The following SLC67A1 variants were observed in gnomAD, a reference collection of about 807,000 sequenced individuals.
SLC67A1 encodes the protein solute carrier family 67 member A1.
the SLC67A1 span, chr11:2,922,574 G>A: frequency 1.2e-6 from 2 of 1,608,028 alleles, no homozygotes; most frequent in South Asian, 1.1e-5. Flanking sequence ...TGGCCAGCGA[G>A]TGGAGCAGCC....
chr11:2,908,151 C>A, the SLC67A1 span: 1 of 922,020 alleles, frequency 1.1e-6, no homozygotes, highest in East Asian at 2.5e-5. Context: ...TCCCCTCCCA[C>A]CCCCTGCCCA....
the SLC67A1 span, chr11:2,909,609 A>G: frequency 7.9e-3 from 12,166 of 1,531,034 alleles, 418 homozygotes; most frequent in African/African-American, 0.097. Flanking sequence ...ACCTGTCGGC[A>G]CCCGAGGAGC....
chr11:2,916,916 G>A, the SLC67A1 span: 1 of 609,192 alleles, frequency 1.6e-6, no homozygotes. Context: ...GCCAAGTGAG[G>A]TGTGGTCATG....
chr11:2,913,831 G>T, the SLC67A1 span, among the ~76,000 whole-genome samples: 1 of 152,206 alleles, frequency 6.6e-6, no homozygotes, highest in Non-Finnish European at 1.5e-5. Context: ...GTAAGGTGAG[G>T]CTTGATGAGG....
chr11:2,922,212 TC>T, the SLC67A1 span: 8 of 1,609,474 alleles, frequency 5.0e-6, no homozygotes, highest in African/African-American at 1.1e-4. Flanking sequence ...TGGTGAGGGC[TC>T]CCCGCTTTGG....
At chr11:2,911,211 G>A in the SLC67A1 span, among the ~76,000 whole-genome samples, 1 of 152,190 alleles carries the variant, frequency 6.6e-6, no homozygotes, top group Non-Finnish European at 1.5e-5. Flanking sequence ...GGGGAGAAAA[G>A]AGAGGGGGTC....
the SLC67A1 span, among the ~76,000 whole-genome samples, chr11:2,915,607 T>C: frequency 2.0e-5 from 3 of 152,194 alleles, no homozygotes; most frequent in Non-Finnish European, 4.4e-5. Context: ...TCTAGCCAGC[T>C]GGTAAAGCGA....
chr11:2,922,090 G>A, the SLC67A1 span: 2 of 1,605,976 alleles, frequency 1.2e-6, no homozygotes, highest in South Asian at 1.1e-5. Context: ...TACCCTCTCT[G>A]TCTGGCTCTA....
At chr11:2,922,579 G>T in the SLC67A1 span, 1 of 1,571,850 alleles carries the variant, frequency 6.4e-7, no homozygotes, top group Non-Finnish European at 8.7e-7. Flanking sequence ...AGCGAGTGGA[G>T]CAGCCTCCTC....
chr11:2,899,808 T>C, the SLC67A1 span: 14 of 1,273,466 alleles, frequency 1.1e-5, no homozygotes, highest in Admixed American at 2.9e-5. Context: ...AAGACAGTGG[T>C]AAGTTTCCAG....
chr11:2,924,555 T>C, the SLC67A1 span, among the ~76,000 whole-genome samples: 10 of 152,298 alleles, frequency 6.6e-5, no homozygotes, highest in East Asian at 1.5e-3. This position sits in a 1 kb window ranked among gnomAD's most constrained non-coding sequence, Gnocchi z 8.6. Context: ...GCCAGCTCCC[T>C]GACAGCCTGG....
At chr11:2,911,365 G>C in the SLC67A1 span, among the ~76,000 whole-genome samples, 1 of 152,136 alleles carries the variant, frequency 6.6e-6, no homozygotes, top group Non-Finnish European at 1.5e-5. Context: ...CCTGGAGGAT[G>C]GGGCTTAGGG....
At chr11:2,924,167 A>G in the SLC67A1 span, among the ~76,000 whole-genome samples, 3 of 152,234 alleles carry the variant, frequency 2.0e-5, no homozygotes, top group Non-Finnish European at 2.9e-5. The surrounding 1 kb of genome is among the most constrained non-coding windows in gnomAD (Gnocchi z 8.6). Context: ...GTGCCCGTCC[A>G]TGCTGCGGGT....
the SLC67A1 span, among the ~76,000 whole-genome samples, chr11:2,911,314 A>T: frequency 3.3e-5 from 5 of 151,972 alleles, no homozygotes; most frequent in South Asian, 4.2e-4. Flanking sequence ...GGGAGAGGGA[A>T]GGGCTGATGT....
chr11:2,909,652 T>TTCGGCG, the SLC67A1 span: 4 of 1,537,748 alleles, frequency 2.6e-6, no homozygotes, highest in Non-Finnish European at 3.5e-6. Flanking sequence ...GGGCCTCTGC[T>TTCGGCG]TCGGCGTCGG....
chr11:2,908,498 G>A, the SLC67A1 span, among the ~76,000 whole-genome samples: 1 of 152,218 alleles, frequency 6.6e-6, no homozygotes, highest in Non-Finnish European at 1.5e-5. Flanking sequence ...TTGGCCCCTG[G>A]TAGGCTCCCG....
the SLC67A1 span, among the ~76,000 whole-genome samples, chr11:2,918,742 G>T: frequency 6.6e-6 from 1 of 152,152 alleles, no homozygotes; most frequent in Non-Finnish European, 1.5e-5. Context: ...CCACTGACCA[G>T]GCTGGAGTGC....
At chr11:2,915,869 G>C in the SLC67A1 span, among the ~76,000 whole-genome samples, 1 of 152,232 alleles carries the variant, frequency 6.6e-6, no homozygotes. Flanking sequence ...AGGTGCCTCC[G>C]TCCCCAGGAG....
At chr11:2,918,115 C>T in the SLC67A1 span, 14 of 1,587,612 alleles carry the variant, frequency 8.8e-6, no homozygotes, top group Non-Finnish European at 1.2e-5. Context: ...AACTACTGCC[C>T]CAACAGCGGC....
Sources: gnomAD v4.1 joint callset for allele counts (sites outside exome capture counted in the v4.1 genomes callset) on GRCh38, gnomAD v4.1.1 for gene constraint, Gnocchi (gnomAD v3.1) non-coding constraint, MANE v1.5 for transcripts, NCBI Gene and HGNC (gene_info 2026-07-23, HGNC 2026-07-21) for gene names.